PRKN: variants seen among roughly 807,000 people sequenced by gnomAD.
PRKN encodes the protein parkin RBR E3 ubiquitin protein ligase, also known as E3 ubiquitin-protein ligase parkin.
PRKN carries 56 observed loss-of-function variants against 59.5 expected under a neutral mutation model. The ratio of observed to expected loss-of-function variants is 0.94; its 90% CI spans 0.76 to 1.18. The LOEUF (loss-of-function observed/expected upper bound fraction) is 1.18. Among genes scored for constraint, PRKN ranks in the 50% most tolerant of loss-of-function variants. The pLI, the probability that PRKN is intolerant of heterozygous loss-of-function variation, is 0.00. For missense variants in PRKN, 657 were observed against 596.4 expected (o/e 1.10, Z -1.06); for synonymous variants, 250 against 222.1 (o/e 1.13, Z -1.12).
intron 7 of PRKN, among the ~76,000 whole-genome samples, chr6:161,640,328 C>T (rs2315549): frequency 0.66 from 99,775 of 151,782 alleles, 34,115 homozygotes; most frequent in African/African-American, 0.85. Flanking sequence ...AAAACATATA[C>T]AGATAAAGTG....
rs887882208 is a variant in PRKN at position 161,826,321 on chromosome 6, G to C, written c.735-40413C>G. On this transcript the variant is annotated intron_variant, in intron 6 of 11. Coordinates refer to ENST00000366898, the MANE Select transcript of PRKN (RefSeq NM_004562.3). Reference sequence around the variant, plus strand: ...AAAATTAAAAATAAATTATTAGCTTGGAAAATGATAGCATAAAAATGAGCT... The same window carrying C: ...AAAATTAAAAATAAATTATTAGCTTCGAAAATGATAGCATAAAAATGAGCT... 3.9e-5 allele frequency among the ~76,000 whole-genome samples: 6 copies of C among 152,112 alleles called. No individual in the cohort carries two copies. In the South Asian group the frequency reaches 1.2e-3, roughly 32 times the overall value.
intron 1 of PRKN, among the ~76,000 whole-genome samples, chr6:162,472,990 CTCATACTTATTTTTATA>C (rs11275984): frequency 0.063 from 9,510 of 151,702 alleles, 1,004 homozygotes; most frequent in African/African-American, 0.22. Flanking sequence ...GGAAAATATT[CTCATACTTATTTTTATA>C]TCAGTCTTTC....
At chr6:161,759,107 G>A (rs1382545841) in intron 7 of PRKN, among the ~76,000 whole-genome samples, 2 of 152,090 alleles carry the variant, frequency 1.3e-5, no homozygotes, top group Admixed American at 1.3e-4. Context: ...AACTCCAGAG[G>A]CAGAGGTTGC....
chr6:161,616,017 G>A (rs867525734), intron 7 of PRKN, among the ~76,000 whole-genome samples: 1 of 152,088 alleles, frequency 6.6e-6, no homozygotes, highest in East Asian at 1.9e-4. Flanking sequence ...AGGGTCTCCC[G>A]TCTCTCTTCT....
At chr6:162,593,019 G>A (rs1458005475) in intron 1 of PRKN, among the ~76,000 whole-genome samples, 3 of 152,108 alleles carry the variant, frequency 2.0e-5, no homozygotes, top group Admixed American at 6.6e-5. Context: ...AGGACACTAC[G>A]CGAAATGATG....
At chr6:162,309,505 T>C (rs1243583348) in intron 2 of PRKN, among the ~76,000 whole-genome samples, 3 of 152,158 alleles carry the variant, frequency 2.0e-5, no homozygotes, top group South Asian at 2.1e-4. Flanking sequence ...TCCAGGGGGA[T>C]AGGATCAGCT....
chr6:161,773,820 G>T (rs932525041), intron 7 of PRKN, among the ~76,000 whole-genome samples: 1 of 152,128 alleles, frequency 6.6e-6, no homozygotes, highest in Non-Finnish European at 1.5e-5. Context: ...TTAATAAGAT[G>T]CAGAAAAAGA....
chr6:162,711,241 C>G (rs756423618), intron 1 of PRKN, among the ~76,000 whole-genome samples: 5 of 152,184 alleles, frequency 3.3e-5, no homozygotes, highest in Non-Finnish European at 5.9e-5. Flanking sequence ...GACTTGTCTG[C>G]TTTGCCATTT....
intron 6 of PRKN, among the ~76,000 whole-genome samples, chr6:161,957,004 G>A (rs1480805384): frequency 6.6e-6 from 1 of 152,132 alleles, no homozygotes; most frequent in Non-Finnish European, 1.5e-5. Flanking sequence ...TGTGGTCATG[G>A]GAACCTCCGA....
At chr6:162,693,710 T>G (rs540806541) in intron 1 of PRKN, among the ~76,000 whole-genome samples, 47 of 152,320 alleles carry the variant, frequency 3.1e-4, no homozygotes, top group African/African-American at 1.1e-3. Context: ...ATCTTGAATC[T>G]CAGACAATTT....
Position 161,873,215 on chromosome 6 carries a change from T to C in PRKN, c.735-87307A>G, listed in dbSNP as rs566167941. Among the ~76,000 whole-genome samples the C allele has an allele frequency of 1.9e-4, 29 of 152,064 alleles. No homozygotes were observed. In the South Asian group the frequency reaches 2.5e-3, roughly 13 times the overall value. ...CGAAGCACGCGTCAGTCTCAGGGAC[T>C]CCATCTCTGGAGCCTTTCCCGGGCC... On this transcript the variant is annotated intron_variant, in intron 6 of 11. Transcript: ENST00000366898.
chr6:161,677,572 A>G (rs1435642383), intron 7 of PRKN, among the ~76,000 whole-genome samples: 1 of 152,196 alleles, frequency 6.6e-6, no homozygotes. Context: ...GGTGCCTTCT[A>G]TGCTGGCAGC....
chr6:161,500,919 G>A (rs545749), intron 9 of PRKN, among the ~76,000 whole-genome samples: 103,248 of 142,428 alleles, frequency 0.72, 37,361 homozygotes, highest in Middle Eastern at 0.83. Context: ...TCTGTCGCCC[G>A]GGCTGGAGTG....
chr6:162,527,180 G>A (rs1303060253), intron 1 of PRKN, among the ~76,000 whole-genome samples: 1 of 152,176 alleles, frequency 6.6e-6, no homozygotes, highest in Non-Finnish European at 1.5e-5. Flanking sequence ...GCTTCAGAGG[G>A]CAGTTTCTAG....
At chr6:162,368,148 G>A (rs929723652) in intron 2 of PRKN, among the ~76,000 whole-genome samples, 11 of 152,296 alleles carry the variant, frequency 7.2e-5, no homozygotes, top group South Asian at 2.1e-4. Context: ...CAAGCATTGC[G>A]GAGCAGCACA....
At position 161,445,656 on chromosome 6, in the gene PRKN, G is replaced by A. The variant is rs1789449087; in HGVS notation, c.1084-58779C>T. 6.6e-6 allele frequency among the ~76,000 whole-genome samples: 1 copy of A among 152,190 alleles called. No homozygotes were observed. Among genetic ancestry groups the A allele is most frequent in the South Asian group, 2.1e-4 (1 of 4,832 alleles). On this transcript the variant is annotated intron_variant, in intron 9 of 11. Coordinates refer to ENST00000366898, the MANE Select transcript of PRKN (RefSeq NM_004562.3). The surrounding 1 kb of genome is among the most constrained non-coding windows in gnomAD (Gnocchi z 7.7). ...ATGGGATCGGTGCAGCATGATAGAG[G>A]CCAGCTGCCCCGCACCAGGTCTGCG...
Position 161,460,345 on chromosome 6 carries a change from C to A in PRKN, c.1084-73468G>T, listed in dbSNP as rs191742359. Among the ~76,000 whole-genome samples the A allele has an allele frequency of 6.6e-6, 1 of 152,030 alleles. No individual in the cohort carries two copies. Among genetic ancestry groups the A allele is most frequent in the Non-Finnish European group, 1.5e-5 (1 of 68,022 alleles). ...TTAGATATTGCTTGGGAATAATGGG[C>A]AAAGGAGGTGCCATACTCCCTCTGG... On this transcript the variant is annotated intron_variant, in intron 9 of 11. Coordinates refer to ENST00000366898, the MANE Select transcript of PRKN (RefSeq NM_004562.3). This position sits in a 1 kb window ranked among gnomAD's most constrained non-coding sequence, Gnocchi z 5.0.
intron 2 of PRKN, among the ~76,000 whole-genome samples, chr6:162,405,412 T>C (rs1479140401): frequency 6.6e-6 from 1 of 152,158 alleles, no homozygotes; most frequent in Non-Finnish European, 1.5e-5. Context: ...TAAATACTCC[T>C]TTGAGGGTCT....
At chr6:162,101,722 T>C (rs1397153819) in intron 4 of PRKN, among the ~76,000 whole-genome samples, 9 of 152,104 alleles carry the variant, frequency 5.9e-5, no homozygotes, top group Non-Finnish European at 1.2e-4. Flanking sequence ...ATCTGAGATC[T>C]AGAGATACTA....
Sources: gnomAD v4.1 joint callset for allele counts (sites outside exome capture counted in the v4.1 genomes callset) on GRCh38, gnomAD v4.1.1 for gene constraint, Gnocchi (gnomAD v3.1) non-coding constraint, MANE v1.5 for transcripts, NCBI Gene and HGNC (gene_info 2026-07-23, HGNC 2026-07-21) for gene names.